CPM: variants seen among roughly 807,000 people sequenced by gnomAD.
The protein encoded by CPM is carboxypeptidase M, also known as renal carboxypeptidase.
Under a neutral mutation model 46.4 loss-of-function variants are expected in CPM, and 35 were observed. The observed-to-expected ratio is 0.75, with a 90% CI of 0.58 to 1.00. CPM has a LOEUF of 1.00. CPM is among the 50% of genes least tolerant of loss of function. The probability of loss-of-function intolerance (pLI) is 0.00; values close to 1 mark genes in which losing one functional copy is unlikely to be tolerated. For synonymous variants in CPM, 195 were observed against 195.3 expected (o/e 1.00, Z 0.01); for missense variants, 422 against 530.4 (o/e 0.80, Z 2.01).
chr12:68,868,881 G>A (rs953257955), intron 6 of CPM, among the ~76,000 whole-genome samples: 4 of 152,190 alleles, frequency 2.6e-5, no homozygotes, highest in South Asian at 2.1e-4. Context: ...TAGATGGGAT[G>A]TAAGCATCAC....
chr12:68,921,081 G>T (rs1888021768), intron 2 of CPM, among the ~76,000 whole-genome samples: 2 of 151,710 alleles, frequency 1.3e-5, no homozygotes, highest in East Asian at 3.9e-4. Flanking sequence ...TTCTGTGACA[G>T]ACCCTTGAAT....
chr12:68,896,882 C>T (rs899300708), intron 2 of CPM, among the ~76,000 whole-genome samples: 3 of 151,630 alleles, frequency 2.0e-5, no homozygotes, highest in African/African-American at 7.3e-5. Context: ...AATTTCAGTT[C>T]CTAAATTAGG....
chr12:68,913,453 C>G (rs1463181976), intron 2 of CPM, among the ~76,000 whole-genome samples: 1 of 152,150 alleles, frequency 6.6e-6, no homozygotes, highest in Non-Finnish European at 1.5e-5. Flanking sequence ...CCCACGTGAT[C>G]CACCAAGATA....
intron 2 of CPM, among the ~76,000 whole-genome samples, chr12:68,921,363 C>T (rs892940343): frequency 6.6e-6 from 1 of 151,804 alleles, no homozygotes; most frequent in Non-Finnish European, 1.5e-5. Flanking sequence ...GCTGGTCTTG[C>T]ACTCCTGGCC....
At chr12:68,960,054 G>A (rs985649514) in intron 1 of CPM, among the ~76,000 whole-genome samples, 3 of 152,136 alleles carry the variant, frequency 2.0e-5, no homozygotes, top group Admixed American at 6.5e-5. Flanking sequence ...TTCCATGAAC[G>A]GCCTTTTTAT....
At chr12:68,928,564 C>A (rs887379605) in intron 2 of CPM, among the ~76,000 whole-genome samples, 1 of 152,138 alleles carries the variant, frequency 6.6e-6, no homozygotes, top group East Asian at 1.9e-4. Flanking sequence ...TTGCTGAGAT[C>A]GAAATAATGT....
At chr12:68,896,854 T>C (rs771397253) in intron 2 of CPM, among the ~76,000 whole-genome samples, 3 of 151,906 alleles carry the variant, frequency 2.0e-5, no homozygotes, top group Admixed American at 6.6e-5. Flanking sequence ...CCTGAATAGG[T>C]GAATGGGGAG....
At chr12:68,921,029 C>T (rs1888019279) in intron 2 of CPM, among the ~76,000 whole-genome samples, 1 of 151,310 alleles carries the variant, frequency 6.6e-6, no homozygotes, top group Admixed American at 6.6e-5. Context: ...GGAAAAAAGG[C>T]CTTCTTCACA....
chr12:68,908,373 T>C (rs905884359), intron 2 of CPM, among the ~76,000 whole-genome samples: 12 of 151,612 alleles, frequency 7.9e-5, no homozygotes, highest in Non-Finnish European at 1.2e-4. Flanking sequence ...CATTATGACC[T>C]GAATCTACTC....
intron 2 of CPM, among the ~76,000 whole-genome samples, chr12:68,922,078 G>A (rs1263589056): frequency 6.6e-6 from 1 of 152,144 alleles, no homozygotes; most frequent in Non-Finnish European, 1.5e-5. Flanking sequence ...TAGAGTTACT[G>A]GAAGATGCTC....
At chr12:68,921,991 G>A (rs1888059169) in intron 2 of CPM, among the ~76,000 whole-genome samples, 1 of 152,078 alleles carries the variant, frequency 6.6e-6, no homozygotes, top group Non-Finnish European at 1.5e-5. Flanking sequence ...GAGAGTATCT[G>A]TTACATGTAA....
intron 1 of CPM, among the ~76,000 whole-genome samples, chr12:68,941,399 G>A (rs1888759135): frequency 6.6e-6 from 1 of 151,906 alleles, no homozygotes; most frequent in South Asian, 2.1e-4. Context: ...TTTGAGACAG[G>A]GTCTGGCTCT....
At chr12:68,924,235 G>A (rs1313023210) in intron 2 of CPM, among the ~76,000 whole-genome samples, 1 of 151,440 alleles carries the variant, frequency 6.6e-6, no homozygotes, top group East Asian at 1.9e-4. Flanking sequence ...AGTGGCTCAC[G>A]CCTGTAATCC....
downstream of CPM, chr12:68,850,306 C>CAA (rs1043864680): frequency 2.7e-5 from 4 of 149,428 alleles, no homozygotes; most frequent in African/African-American, 9.8e-5. Context: ...AAAAAAGCTG[C>CAA]AAATTTAAAC....
intron 3 of CPM, among the ~76,000 whole-genome samples, chr12:68,885,094 C>T (rs1383205054): frequency 2.6e-5 from 4 of 152,090 alleles, no homozygotes; most frequent in Non-Finnish European, 4.4e-5. Context: ...CAGGTATGCG[C>T]CACCACACCT....
chr12:68,934,215 G>A (rs1244289968), upstream of CPM, among the ~76,000 whole-genome samples: 1 of 151,802 alleles, frequency 6.6e-6, no homozygotes, highest in Non-Finnish European at 1.5e-5. Flanking sequence ...AATATAAAAA[G>A]TTTGAAAACC....
chr12:68,872,036 A>G lies in CPM; in HGVS notation c.259-80T>C, dbSNP rs1276060262. ...GCACTCCCTACGGTACAAATTCCCC[A>G]ATAGGGGTCTCTACACATGATATCT... On this transcript the variant is annotated intron_variant, in intron 3 of 8. Coordinates refer to ENST00000551568, the MANE Select transcript of CPM (RefSeq NM_198320.5). The G allele has an allele frequency of 2.1e-6, 3 of 1,407,560 alleles. No homozygotes were observed. In the African/African-American group the frequency reaches 4.2e-5, roughly 20 times the overall value. The allele number at this position is 1,407,560 out of a possible 1,614,324, so 87.2% of individuals were successfully genotyped here.
At chr12:68,892,346 A>C (rs911883095) in intron 2 of CPM, among the ~76,000 whole-genome samples, 8 of 152,168 alleles carry the variant, frequency 5.3e-5, no homozygotes, top group African/African-American at 1.9e-4. Flanking sequence ...CGAGGGGCAC[A>C]ATGAGGATGG....
At chr12:68,880,043 C>T (rs1040876772) in intron 3 of CPM, among the ~76,000 whole-genome samples, 1 of 151,972 alleles carries the variant, frequency 6.6e-6, no homozygotes, top group African/African-American at 2.4e-5. Flanking sequence ...ATCTGAATAT[C>T]TGTAGCATAC....
Sources: gnomAD v4.1 joint callset for allele counts (sites outside exome capture counted in the v4.1 genomes callset) on GRCh38, gnomAD v4.1.1 for gene constraint, MANE v1.5 for transcripts, NCBI Gene and HGNC (gene_info 2026-07-23, HGNC 2026-07-21) for gene names.